Variants in VDR observed in about 807,000 individuals in gnomAD.
The protein encoded by VDR is vitamin D3 receptor.
VDR carries 19 observed loss-of-function variants against 39.7 expected under a neutral mutation model. That is an observed-to-expected ratio of 0.48 (90% confidence interval 0.33 to 0.70). The LOEUF is 0.70. Ranked by LOEUF, VDR falls within the 30% of genes least tolerant of loss-of-function variation. VDR has a pLI of 0.02. For synonymous variants in VDR, 242 were observed against 215.8 expected, an observed-to-expected ratio of 1.12 and a Z score of -1.07; for missense variants, 442 against 570.5, an observed-to-expected ratio of 0.77 and a Z score of 2.29.
intron 1 of VDR, among the ~76,000 whole-genome samples, chr12:47,894,735 G>C (rs953708951): frequency 1.3e-5 from 2 of 152,214 alleles, no homozygotes; most frequent in Non-Finnish European, 1.5e-5. Context: ...GCAGGGTGGG[G>C]CGGGGGAGGC....
intron 3 of VDR, 69 bp downstream of exon 3, chr12:47,878,898 TC>T (rs774110166): frequency 6.2e-7 from 1 of 1,611,930 alleles, no homozygotes; most frequent in Admixed American, 1.7e-5. Flanking sequence ...ATGCAAGGGC[TC>T]CCTTCATGGA....
In VDR at chr12:47,879,031, C is replaced by T; in HGVS notation, c.83G>A (p.Gly28Glu). The change falls in exon 3 of 10, where the codon GGA (glycine) becomes GAA (glutamate). Residue 28 changes from glycine (G) to glutamate (E), a missense_variant. Physicochemically the swap from Gly to Glu is moderately conservative, Grantham distance 98. Transcript: ENST00000549336. ...GAAGTGAAAGCCAGTGGCTCGGTCT[C>T]CACACACCCCACAGATCCGGGGCAC... The part of the protein sequence containing the change: ...RNVPRICGVC[G>E]DRATGFHFNA... 6.2e-7 allele frequency: 1 copy of T among 1,614,176 alleles called. No individual in the cohort carries two copies. Among genetic ancestry groups the T allele is most frequent in the Non-Finnish European group, 8.5e-7 (1 of 1,180,010 alleles).
chr12:47,857,765 A>G, intron 4 of VDR, 77 bp from the exon 5 acceptor site: 1 of 1,532,616 alleles, frequency 6.5e-7, no homozygotes, highest in East Asian at 2.3e-5. Flanking sequence ...GTTGGGGGTA[A>G]AGGTCCAAGA....
chr12:47,845,823 C>A (rs1346468012), intron 9 of VDR, among the ~76,000 whole-genome samples: 1 of 152,230 alleles, frequency 6.6e-6, no homozygotes, highest in African/African-American at 2.4e-5. Context: ...GACATCATGT[C>A]CCCAAGGTCA....
At chr12:47,902,519 G>C (rs780717541) in intron 1 of VDR, among the ~76,000 whole-genome samples, 2 of 152,248 alleles carry the variant, frequency 1.3e-5, no homozygotes, top group Non-Finnish European at 2.9e-5. Flanking sequence ...GGGCACACAA[G>C]AGGCTCTTAA....
chr12:47,882,004 G>T (rs1946159263), intron 2 of VDR, among the ~76,000 whole-genome samples: 1 of 152,182 alleles, frequency 6.6e-6, no homozygotes, highest in Non-Finnish European at 1.5e-5. Flanking sequence ...GAAATCAAAT[G>T]GGGGGTAGGA....
intron 6 of VDR, 53 bp from the exon 7 acceptor site, chr12:47,855,854 C>A: frequency 6.2e-7 from 1 of 1,608,442 alleles, no homozygotes; most frequent in Non-Finnish European, 8.5e-7. Context: ...TGGACCAGGC[C>A]CCCTCCTGCC....
intron 7 of VDR, among the ~76,000 whole-genome samples, 179 bp downstream of exon 7, chr12:47,855,451 C>T (rs916984906): frequency 5.3e-5 from 8 of 152,120 alleles, no homozygotes; most frequent in Non-Finnish European, 7.4e-5. Context: ...ACCTAGGAGG[C>T]GGAGGTTGCA....
At chr12:47,859,903 TTCCTTCCTTCC>T (rs1945581133) in intron 4 of VDR, among the ~76,000 whole-genome samples, 5 of 43,740 alleles carry the variant, frequency 1.1e-4, no homozygotes, top group African/African-American at 6.9e-4. Context: ...CCTTCCTTCC[TTCCTTCCTTCC>T]TTCTTTCTTT....
intron 7 of VDR, among the ~76,000 whole-genome samples, chr12:47,848,993 T>C (rs1945333653): frequency 6.6e-6 from 1 of 152,158 alleles, no homozygotes; most frequent in South Asian, 2.1e-4. Flanking sequence ...CGTTGATGAT[T>C]TGAGAGGCCA....
intron 1 of VDR, among the ~76,000 whole-genome samples, chr12:47,901,880 G>A (rs904041246): frequency 6.6e-6 from 1 of 152,204 alleles, no homozygotes; most frequent in Non-Finnish European, 1.5e-5. Context: ...ACAAGTCAAG[G>A]GTGAAGGGAA....
chr12:47,857,678 T>G lies in VDR; in HGVS notation c.288A>C (p.Thr96=). ...CCCGCTTCCTCTGCACTTCCTCATC[T>G]GTCAGAATGACTGTGGGGTGGGAAG... ...DIGMMKEFIL[T]DEEVQRKREM... The change falls in exon 5 of 10, where the codon ACA becomes ACC. Residue 96 remains threonine, a synonymous_variant. Transcript: ENST00000549336. 1 of 1,613,698 alleles carries G rather than the reference T, an allele frequency of 6.2e-7. No individual in the cohort carries two copies. The highest frequency in any genetic ancestry group is 8.5e-7 in the Non-Finnish European group (1 of 1,179,658).
At chr12:47,855,943 G>A (rs1473011640) in intron 6 of VDR, 142 bp from the exon 7 acceptor site, 2 of 950,512 alleles carry the variant, frequency 2.1e-6, no homozygotes, top group Non-Finnish European at 3.3e-6. Flanking sequence ...TCACCCTTCA[G>A]CCCCAGGCTT....
chr12:47,848,057 G>A (rs545968148), intron 7 of VDR, among the ~76,000 whole-genome samples: 1 of 152,256 alleles, frequency 6.6e-6, no homozygotes, highest in African/African-American at 2.4e-5. Flanking sequence ...CCGCCACCAT[G>A]GCCAGCTAAT....
chr12:47,901,173 CA>C (rs1395143417), intron 1 of VDR: 1 of 155,208 alleles, frequency 6.4e-6, no homozygotes, highest in Non-Finnish European at 1.5e-5. Context: ...CATTTGTTGG[CA>C]GTGAGAATGA....
At chr12:47,881,564 A>T (rs2137209661) in intron 2 of VDR, among the ~76,000 whole-genome samples, 1 of 152,292 alleles carries the variant, frequency 6.6e-6, no homozygotes, top group East Asian at 1.9e-4. Context: ...GGTGTGCATT[A>T]TATAGTAGCA....
chr12:47,878,492 T>C (rs11168275), intron 3 of VDR, among the ~76,000 whole-genome samples: 44,056 of 152,140 alleles, frequency 0.29, 6,820 homozygotes, highest in East Asian at 0.58. Context: ...GGTGAAGATA[T>C]GGGTACAGAT....
In VDR at chr12:47,891,493, A is replaced by G. The variant is rs553244112; in HGVS notation, c.-83-8719T>C. On this transcript the variant is annotated intron_variant, in intron 1 of 9. Transcript: ENST00000549336. The stretch of plus-strand genomic sequence containing the variant: ...CAGTCCCAAAAGCTCCACCCCAAAC[A>G]AACGTTGCCCAGAAAGCCACAATTT... Among the ~76,000 whole-genome samples, 133 of 152,186 alleles carry G rather than the reference A, an allele frequency of 8.7e-4. 1 individual carries two copies. Among genetic ancestry groups the G allele is most frequent in the African/African-American group, 3.1e-3 (129 of 41,472 alleles).
intron 1 of VDR, among the ~76,000 whole-genome samples, chr12:47,883,829 T>C (rs1295051683): frequency 6.6e-6 from 1 of 152,196 alleles, no homozygotes; most frequent in African/African-American, 2.4e-5. Context: ...GGCCCGGTCC[T>C]AGAACTGTGA....
Sources: allele counts gnomAD v4.1 joint callset (sites outside exome capture counted in the v4.1 genomes callset), GRCh38; gene constraint gnomAD v4.1.1; transcripts MANE v1.5; gene names NCBI Gene and HGNC (gene_info 2026-07-23, HGNC 2026-07-21).